Variants in SND1 observed in about 807,000 individuals in gnomAD.
SND1 encodes the protein staphylococcal nuclease and tudor domain containing 1.
SND1 carries 38 observed loss-of-function variants against 121.7 expected under a neutral mutation model. That is an observed-to-expected ratio of 0.31 (90% CI 0.24 to 0.41). The LOEUF is 0.41. SND1 is among the 10% of genes least tolerant of loss of function. The pLI is 1.00. For missense variants in SND1, 868 were observed against 1,184.6 expected, an observed-to-expected ratio of 0.73 and a Z score of 3.92; for synonymous variants, 401 against 447.4, an observed-to-expected ratio of 0.90 and a Z score of 1.31.
At chr7:127,689,289 A>G (rs916238956) in intron 2 of SND1, among the ~76,000 whole-genome samples, 2 of 152,196 alleles carry the variant, frequency 1.3e-5, no homozygotes, top group African/African-American at 4.8e-5. Flanking sequence ...ATCTTTCAGC[A>G]TTTTTCACAT....
At chr7:127,746,235 T>G (rs1332408831) in intron 10 of SND1, among the ~76,000 whole-genome samples, 1 of 152,228 alleles carries the variant, frequency 6.6e-6, no homozygotes, top group African/African-American at 2.4e-5. Flanking sequence ...GCCAGTATGA[T>G]ACATTGTAAT....
chr7:127,964,308 T>C (rs1370351627), intron 15 of SND1, among the ~76,000 whole-genome samples: 1 of 148,468 alleles, frequency 6.7e-6, no homozygotes, highest in African/African-American at 2.5e-5. Flanking sequence ...CTTTTGGTGT[T>C]TTGGACATGA....
Position 128,081,373 on chromosome 7 carries a change from A to C in SND1, c.1982A>C (p.Tyr661Ser). 1 of 1,613,902 alleles carries C rather than the reference A, an allele frequency of 6.2e-7. No homozygotes were observed. The highest frequency in any genetic ancestry group is 2.2e-5 in the East Asian group (1 of 44,852). ...KQKKEKVWAH[Y>S]EEQPVEEVMP... ...CTGAACATGCAGGTCTGGGCCCACT[A>C]TGAGGAGCAGCCCGTGGAGGAGGTG... is the stretch of plus-strand genomic sequence containing the variant. The change falls in exon 18 of 24, where the codon TAT becomes TCT. Residue 661 changes from tyrosine (Y) to serine (S), a missense_variant. Around this residue, in one of 2 missense-constraint regions of SND1, gnomAD observed 743 missense variants for 1,071.3 expected, o/e 0.69. Coordinates refer to ENST00000354725, the MANE Select transcript of SND1 (RefSeq NM_014390.4).
intron 1 of SND1, among the ~76,000 whole-genome samples, chr7:127,657,386 T>C (rs1795230471): frequency 6.6e-6 from 1 of 152,222 alleles, no homozygotes; most frequent in East Asian, 1.9e-4. Context: ...ATGGCATTTG[T>C]GCTGAGATCT....
chr7:128,080,961 G>A (rs1360212982), intron 17 of SND1, among the ~76,000 whole-genome samples: 3 of 151,516 alleles, frequency 2.0e-5, no homozygotes, highest in Non-Finnish European at 4.4e-5. Flanking sequence ...GCCCAGGGCC[G>A]ATCCCATTTG....
chr7:127,943,451 C>T (rs1053930140), intron 15 of SND1, among the ~76,000 whole-genome samples: 19 of 152,212 alleles, frequency 1.2e-4, no homozygotes, highest in Middle Eastern at 3.2e-3. Context: ...ATCCTACGAA[C>T]GTGGTCCATT....
intron 5 of SND1, among the ~76,000 whole-genome samples, chr7:127,702,039 T>G (rs1215784064): frequency 6.6e-6 from 1 of 152,236 alleles, no homozygotes; most frequent in East Asian, 1.9e-4. Context: ...ATTTATATGC[T>G]ATATAGTTTT....
At chr7:127,656,945 C>T (rs535636626) in intron 1 of SND1, among the ~76,000 whole-genome samples, 1 of 152,274 alleles carries the variant, frequency 6.6e-6, no homozygotes, top group African/African-American at 2.4e-5. Flanking sequence ...ATGCCCATTT[C>T]CCGGCAGGTA....
rs1452867379 is a variant in SND1 at position 127,858,343 on chromosome 7, C to G, written c.1343+13919C>G. On this transcript the variant is annotated intron_variant, in intron 12 of 23. Transcript: ENST00000354725. Reference sequence around the variant, plus strand: ...TCCCTTTGCCTCCTCCTCGGGCCCCCAGATGCCTCAGTGCCCTAGCCACTG... The same window carrying G: ...TCCCTTTGCCTCCTCCTCGGGCCCCGAGATGCCTCAGTGCCCTAGCCACTG... 4 of 1,336,416 alleles carry G rather than the reference C, an allele frequency of 3.0e-6. No individual in the cohort carries two copies. In the African/African-American group the frequency reaches 5.8e-5, roughly 19 times the overall value. The allele number at this position is 1,336,416 out of a possible 1,614,324, so 82.8% of individuals were successfully genotyped here. A position where few individuals can be genotyped will look rare whatever the true frequency, so the allele number is the denominator to read the frequency against.
At chr7:127,906,813 ATCT>A (rs1422040691) in intron 14 of SND1, among the ~76,000 whole-genome samples, 1 of 152,106 alleles carries the variant, frequency 6.6e-6, no homozygotes, top group Non-Finnish European at 1.5e-5. Flanking sequence ...CTGTCTCTGA[ATCT>A]TATGCTGCCT....
intron 9 of SND1, among the ~76,000 whole-genome samples, chr7:127,712,985 G>A (rs1796323370): frequency 6.6e-6 from 1 of 152,160 alleles, no homozygotes. Context: ...GAAATTATTT[G>A]GCTCACATTT....
In SND1 at chr7:127,801,331, A is replaced by G. The variant is rs558610816; in HGVS notation, c.1153-6153A>G. Among the ~76,000 whole-genome samples, 7 of 152,290 alleles carry G rather than the reference A, an allele frequency of 4.6e-5. No homozygotes were observed. The South Asian group carries it at 1.2e-3, about 27-fold the overall frequency. On this transcript the variant is annotated intron_variant, in intron 10 of 23. Coordinates refer to ENST00000354725, the MANE Select transcript of SND1 (RefSeq NM_014390.4). ...ATTTTTCTGACAATTATCAAGTTAT[A>G]CTTTTTTGCATACTTAATGTGTCCT...
In SND1 at chr7:128,029,219, CTTGT is replaced by C; in HGVS notation, c.1779+38164_1779+38167del. ...AACCAGTGGACGTGGTAGGAACAGGCTTGTACTTTCGCGTTGTGTCCTCAGGCGA... is the reference window on the plus strand; with the variant it reads ...AACCAGTGGACGTGGTAGGAACAGGCACTTTCGCGTTGTGTCCTCAGGCGA... On this transcript the variant is annotated intron_variant, in intron 16 of 23. Transcript: ENST00000354725. The surrounding 1 kb of genome is among the most constrained non-coding windows in gnomAD (Gnocchi z 4.2). The C allele has an allele frequency of 6.2e-7, 1 of 1,614,098 alleles. No homozygotes were observed. The highest frequency in any genetic ancestry group is 8.5e-7 in the Non-Finnish European group (1 of 1,180,022).
At chr7:128,074,442 C>G in intron 16 of SND1, 60 bp from the exon 17 acceptor site, 1 of 1,516,832 alleles carries the variant, frequency 6.6e-7, no homozygotes, top group Non-Finnish European at 8.9e-7. Context: ...TCCCCACGGG[C>G]ACAGCCCCTG....
At chr7:127,686,947 G>C (rs1795824025) in intron 2 of SND1, 185 bp downstream of exon 2, 1 of 593,710 alleles carries the variant, frequency 1.7e-6, no homozygotes, top group Non-Finnish European at 2.8e-6. Flanking sequence ...ACTACCTTTA[G>C]TGGCAGTTGA....
chr7:127,685,734 T>A (rs1795800856), intron 1 of SND1, among the ~76,000 whole-genome samples: 1 of 152,176 alleles, frequency 6.6e-6, no homozygotes, highest in Non-Finnish European at 1.5e-5. Flanking sequence ...ATTAGATTCT[T>A]ACGTTTTAAT....
At chr7:127,895,569 T>C (rs1487578513) in intron 13 of SND1, among the ~76,000 whole-genome samples, 3 of 152,126 alleles carry the variant, frequency 2.0e-5, no homozygotes, top group Non-Finnish European at 4.4e-5. Context: ...CGTGTCATTA[T>C]GTGTCTGTGG....
chr7:127,856,594 T>G (rs1043345136), intron 12 of SND1, among the ~76,000 whole-genome samples: 1 of 152,134 alleles, frequency 6.6e-6, no homozygotes, highest in African/African-American at 2.4e-5. Context: ...TAAAGGGAGG[T>G]GGACTGCCTT....
At chr7:127,766,235 C>T (rs999259615) in intron 10 of SND1, among the ~76,000 whole-genome samples, 7 of 152,166 alleles carry the variant, frequency 4.6e-5, no homozygotes, top group African/African-American at 1.7e-4. Flanking sequence ...CTGTTGGTGC[C>T]CTGATCTTGG....
Sources: allele counts gnomAD v4.1 joint callset (sites outside exome capture counted in the v4.1 genomes callset), GRCh38; gene constraint gnomAD v4.1.1; regional missense constraint gnomAD v4.1.1; non-coding constraint Gnocchi (gnomAD v3.1); transcripts MANE v1.5; gene names NCBI Gene and HGNC (gene_info 2026-07-23, HGNC 2026-07-21).